ANKRD30BL: variants seen among roughly 807,000 people sequenced by gnomAD.
ANKRD30BL encodes the protein ankyrin repeat domain 30B like.
Under a neutral mutation model 18.4 loss-of-function variants are expected in ANKRD30BL, and 20 were observed. The ratio of observed to expected loss-of-function variants is 1.09; its 90% CI spans 0.77 to 1.58. The LOEUF (loss-of-function observed/expected upper bound fraction) is 1.58, where lower values mean the gene tolerates loss of function less well. ANKRD30BL is among the 40% of genes most tolerant of loss of function. The probability of loss-of-function intolerance (pLI) is 0.00; values close to 1 mark genes in which losing one functional copy is unlikely to be tolerated. For synonymous variants in ANKRD30BL, 72 were observed against 100.9 expected, an observed-to-expected ratio of 0.71 and a Z score of 1.72; for missense variants, 224 against 268.6, an observed-to-expected ratio of 0.83 and a Z score of 1.16.
chr2:132,155,045 G>C (rs1687864256), intron 3 of ANKRD30BL: 1 of 260,832 alleles, frequency 3.8e-6, no homozygotes, highest in Non-Finnish European at 7.3e-6. Flanking sequence ...GAGGGCAGGG[G>C]CTGTATCTTT....
At chr2:132,207,543 A>G (rs2104753506) in intron 1 of ANKRD30BL, among the ~76,000 whole-genome samples, 1 of 152,306 alleles carries the variant, frequency 6.6e-6, no homozygotes, top group Non-Finnish European at 1.5e-5. Flanking sequence ...TTTTTTACAA[A>G]GGTAAATGAA....
At chr2:132,247,852 G>T (rs1200840026) in intron 1 of ANKRD30BL, among the ~76,000 whole-genome samples, 1 of 151,802 alleles carries the variant, frequency 6.6e-6, no homozygotes, top group African/African-American at 2.4e-5. Context: ...TCATAAGAAA[G>T]TTTCTACACT....
chr2:132,256,257 C>A (rs533968923), intron 1 of ANKRD30BL, among the ~76,000 whole-genome samples: 1 of 149,482 alleles, frequency 6.7e-6, no homozygotes, highest in Admixed American at 6.7e-5. Context: ...CGAGATTGGG[C>A]GCGGCAGGGC....
intron 1 of ANKRD30BL, among the ~76,000 whole-genome samples, chr2:132,238,387 T>C (rs943175431): frequency 6.6e-6 from 1 of 151,172 alleles, no homozygotes; most frequent in Non-Finnish European, 1.5e-5. Context: ...CTTTTGATCG[T>C]AGAATTTGCA....
chr2:132,191,014 A>G (rs1243180794), intron 1 of ANKRD30BL, among the ~76,000 whole-genome samples: 1 of 152,174 alleles, frequency 6.6e-6, no homozygotes, highest in African/African-American at 2.4e-5. Context: ...CATCCAAATT[A>G]AGTACAAACA....
intron 1 of ANKRD30BL, among the ~76,000 whole-genome samples, chr2:132,197,966 G>A (rs1006532323): frequency 3.8e-4 from 57 of 151,618 alleles, no homozygotes; most frequent in Admixed American, 3.3e-4. Context: ...ATACCATTGT[G>A]TATTTTTAAA....
At chr2:132,240,179 C>A (rs1285871730) in intron 1 of ANKRD30BL, among the ~76,000 whole-genome samples, 1 of 151,882 alleles carries the variant, frequency 6.6e-6, no homozygotes, top group Non-Finnish European at 1.5e-5. Flanking sequence ...GAAGCATTCT[C>A]AGAAACTACT....
At position 132,147,826 on chromosome 2, in the gene ANKRD30BL, G is replaced by A. The variant is rs200510812; in HGVS notation, c.*305C>T. 3.0e-6 allele frequency: 1 copy of A among 336,558 alleles called. No homozygotes were observed. Among genetic ancestry groups the A allele is most frequent in the East Asian group, 6.3e-5 (1 of 15,956 alleles). The allele number at this position is 336,558 out of a possible 1,614,324, so 20.8% of individuals were successfully genotyped here. On this transcript the variant is annotated 3_prime_UTR_variant, in exon 6 of 6. Coordinates refer to ENST00000409867, the MANE Select transcript of ANKRD30BL (RefSeq NM_001358416.1). ...GAGTGGCAGGGTGAGTAGTTTCAGC[G>A]GGAAAGACAGTTACAGAGCAGGTGT...
Position 132,209,460 on chromosome 2 carries a change from T to A in ANKRD30BL, n.441+48069A>T, listed in dbSNP as rs569505509. 2.6e-5 allele frequency among the ~76,000 whole-genome samples: 4 copies of A among 152,156 alleles called. No individual in the cohort carries two copies. The South Asian group carries it at 6.2e-4, about 24-fold the overall frequency. ...GCTTTGAAACACTCTTTTTGTAGAA[T>A]CTGCAAGTGGACATTCGGAGCGATT... On this transcript the variant is annotated intron_variant and non_coding_transcript_variant, in intron 1 of 4. Coordinates refer to the ANKRD30BL transcript ENST00000470729.
At chr2:132,152,530 T>C (rs1687787425) in intron 4 of ANKRD30BL, 1 of 152,188 alleles carries the variant, frequency 6.6e-6, no homozygotes, top group Admixed American at 6.5e-5. Context: ...TTTTTACTTT[T>C]AGGAAAAAAG....
chr2:132,227,645 G>A (rs1679882766), intron 1 of ANKRD30BL, among the ~76,000 whole-genome samples: 1 of 152,106 alleles, frequency 6.6e-6, no homozygotes, highest in South Asian at 2.1e-4. Flanking sequence ...GGGAAGTTCT[G>A]AAACACTCTT....
chr2:132,239,465 T>C (rs1346140326), intron 1 of ANKRD30BL, among the ~76,000 whole-genome samples: 2 of 151,742 alleles, frequency 1.3e-5, no homozygotes, highest in African/African-American at 4.8e-5. Context: ...AAAGGAAATA[T>C]CTTCCCATGA....
intron 1 of ANKRD30BL, among the ~76,000 whole-genome samples, chr2:132,254,294 T>A (rs1680758568): frequency 6.6e-6 from 1 of 152,096 alleles, no homozygotes; most frequent in Admixed American, 6.5e-5. Flanking sequence ...GGGAACACGG[T>A]CAGCCAAGGA....
At chr2:132,198,268 TTTTCTTTCTTTCTTTCTTTC>T (rs1372612115) in intron 1 of ANKRD30BL, among the ~76,000 whole-genome samples, 2 of 109,776 alleles carry the variant, frequency 1.8e-5, no homozygotes, top group Non-Finnish European at 3.3e-5. Context: ...TCTTTCTTTC[TTTTCTTTCTTTCTTTCTTTC>T]TTTCTTTCTT....
chr2:132,235,963 A>G (rs1270605317), intron 1 of ANKRD30BL, among the ~76,000 whole-genome samples: 1 of 152,138 alleles, frequency 6.6e-6, no homozygotes, highest in Non-Finnish European at 1.5e-5. Context: ...AGTAACCAAA[A>G]CAGCATGGTA....
chr2:132,247,160 A>G lies in ANKRD30BL; in HGVS notation n.441+10369T>C, dbSNP rs564402598. On this transcript the variant is annotated intron_variant and non_coding_transcript_variant, in intron 1 of 4. Transcript: ENST00000470729. Reference sequence around the variant, plus strand: ...AAAAAGGAAATATTTTCACATAAAAACTAGACAGAAGCATTCTAAGAAACT... The same window carrying G: ...AAAAAGGAAATATTTTCACATAAAAGCTAGACAGAAGCATTCTAAGAAACT... Among the ~76,000 whole-genome samples, 94 of 151,548 alleles carry G rather than the reference A, an allele frequency of 6.2e-4. 1 individual carries two copies. The highest frequency in any genetic ancestry group is 2.1e-3 in the African/African-American group (86 of 41,362).
intron 1 of ANKRD30BL, among the ~76,000 whole-genome samples, chr2:132,235,537 A>T (rs1016330308): frequency 6.6e-6 from 1 of 152,144 alleles, no homozygotes; most frequent in African/African-American, 2.4e-5. Flanking sequence ...ATTCTTATAC[A>T]CCAACAACAG....
intron 1 of ANKRD30BL, among the ~76,000 whole-genome samples, chr2:132,181,031 C>G (rs2104947503): frequency 6.6e-6 from 1 of 152,160 alleles, no homozygotes; most frequent in Non-Finnish European, 1.5e-5. Flanking sequence ...GTAGTCCCAG[C>G]TACTTGGGAG....
chr2:132,178,067 T>C (rs896242788), intron 1 of ANKRD30BL, among the ~76,000 whole-genome samples: 1 of 152,220 alleles, frequency 6.6e-6, no homozygotes, highest in Admixed American at 6.5e-5. Flanking sequence ...AGGACATTTC[T>C]AAGAGTAATA....
Sources: gnomAD v4.1 joint callset for allele counts (sites outside exome capture counted in the v4.1 genomes callset) on GRCh38, gnomAD v4.1.1 for gene constraint, MANE v1.5 for transcripts, NCBI Gene and HGNC (gene_info 2026-07-23, HGNC 2026-07-21) for gene names.